The following BRCA1 variants were observed in gnomAD, a reference collection of about 807,000 sequenced individuals.
BRCA1 encodes the protein BRCA1 DNA repair associated, also known as breast cancer type 1 susceptibility protein.
A neutral mutation model predicts 173.7 loss-of-function variants in BRCA1; 140 were observed. The observed-to-expected ratio is 0.81, with a 90% CI of 0.70 to 0.93. The LOEUF (loss-of-function observed/expected upper bound fraction) is 0.93, where lower values mean the gene tolerates loss of function less well. Ranked by LOEUF, BRCA1 falls within the 40% of genes least tolerant of loss-of-function variation. The pLI, the probability that BRCA1 is intolerant of heterozygous loss-of-function variation, is 0.00. For synonymous variants in BRCA1, 662 were observed against 756.0 expected, an observed-to-expected ratio of 0.88 and a Z score of 2.04; for missense variants, 1,983 against 2,172.5, an observed-to-expected ratio of 0.91 and a Z score of 1.73.
upstream of BRCA1, among the ~76,000 whole-genome samples, chr17:43,126,564 C>T (rs1365852768): frequency 3.9e-5 from 6 of 152,176 alleles, no homozygotes; most frequent in East Asian, 3.9e-4. Context: ...TCCGTGTCTC[C>T]GGACAGCTAA....
intron 1 of BRCA1, chr17:43,124,974 G>C (rs932061137): frequency 2.8e-6 from 1 of 360,796 alleles, no homozygotes; most frequent in African/African-American, 2.1e-5. Flanking sequence ...TGGAACTCCT[G>C]ACCTCATGAC....
In BRCA1 at chr17:43,124,135, CATATAT is replaced by C; in HGVS notation, c.-19-26_-19-21del. ...AATGAACTTTAACACATTAGAAAAA[CATATAT>C]ATATATCTTTTTAAAAGGTTTATAA... On this transcript the variant is annotated intron_variant, in intron 1 of 22. Transcript: ENST00000357654. The C allele has an allele frequency of 7.7e-7, 1 of 1,291,254 alleles. No homozygotes were observed. Among genetic ancestry groups the C allele is most frequent in the Non-Finnish European group, 1.1e-6 (1 of 894,888 alleles). 80.0% of individuals were successfully genotyped at this position (1,291,254 alleles called of 1,614,324 possible).
intron 1 of BRCA1, among the ~76,000 whole-genome samples, chr17:43,141,066 C>T (rs1368264223): frequency 6.6e-6 from 1 of 152,194 alleles, no homozygotes; most frequent in Non-Finnish European, 1.5e-5. Flanking sequence ...GGTTTGCCGT[C>T]AGTGAGATGG....
At chr17:43,099,649 C>A in intron 7 of BRCA1, 126 bp downstream of exon 7, 2 of 747,588 alleles carry the variant, frequency 2.7e-6, no homozygotes, top group Non-Finnish European at 4.7e-6. Context: ...CACCATAGGG[C>A]TCATAAAATT....
chr17:43,046,501 G>A (rs983834266), intron 22 of BRCA1, among the ~76,000 whole-genome samples: 2 of 151,136 alleles, frequency 1.3e-5, no homozygotes, highest in African/African-American at 4.9e-5. Context: ...GGGTTCAAGC[G>A]ATTCTCCTGC....
intron 6 of BRCA1, among the ~76,000 whole-genome samples, chr17:43,100,544 A>ATGTG (rs66463208): frequency 2.1e-5 from 2 of 93,620 alleles, no homozygotes; most frequent in African/African-American, 8.8e-5. Context: ...ATACATATAT[A>ATGTG]TGTGTGTGTG....
intron 3 of BRCA1, 138 bp downstream of exon 3, chr17:43,115,584 TGAGA>T: frequency 2.5e-6 from 2 of 793,972 alleles, no homozygotes; most frequent in Non-Finnish European, 4.1e-6. Context: ...ATATACTCTC[TGAGA>T]AAGAATGAAA....
In BRCA1 at chr17:43,065,832, C is replaced by T. The variant is rs561414242; in HGVS notation, c.5074+1776G>A. Among the ~76,000 whole-genome samples the T allele has an allele frequency of 7.2e-5, 11 of 152,318 alleles. No homozygotes were observed. The South Asian group carries it at 2.1e-3, about 29-fold the overall frequency. ...TGGAGCCCCATGAGTGAGTCTTAAT[C>T]CTGTTCCAGATAACAGTTCTCTTCC... On this transcript the variant is annotated intron_variant, in intron 16 of 22. Transcript: ENST00000357654.
chr17:43,071,351 G>C (rs187218638), intron 14 of BRCA1, 113 bp from the exon 15 acceptor site: 245 of 1,192,112 alleles, frequency 2.1e-4, no homozygotes, highest in Admixed American at 8.3e-4. Context: ...AGAAAAATGG[G>C]TACATGAATA....
chr17:43,101,135 T>TC (rs1056543024), intron 6 of BRCA1, among the ~76,000 whole-genome samples: 1 of 151,998 alleles, frequency 6.6e-6, no homozygotes, highest in African/African-American at 2.4e-5. Context: ...ACTTTTTTTT[T>TC]CCTTCCTTTT....
In BRCA1 at chr17:43,092,551, A is replaced by G. The variant is rs144853230; in HGVS notation, c.2980T>C (p.Cys994Arg). Reference protein sequence around the residue: ...FPIKSFVKTKCKKNLLEENFE... With the variant: ...FPIKSFVKTKRKKNLLEENFE... Reference sequence around the variant, plus strand: ...TTTTCCTCTAGCAGATTTTTCTTACATTTAGTTTTAACAAATGACTTGATG... The same window carrying G: ...TTTTCCTCTAGCAGATTTTTCTTACGTTTAGTTTTAACAAATGACTTGATG... The change falls in exon 10 of 23, where the codon TGT becomes CGT. Residue 994 changes from cysteine to arginine, a missense_variant. Cys to Arg is a radical substitution (Grantham distance 180, BLOSUM62 -3). Transcript: ENST00000357654. 2 of 1,614,000 alleles carry G rather than the reference A, an allele frequency of 1.2e-6. No homozygotes were observed. Among genetic ancestry groups the G allele is most frequent in the African/African-American group, 1.3e-5 (1 of 75,012 alleles).
Position 43,132,562 on chromosome 17 carries a change from C to CT in BRCA1, c.-19-8448dup, listed in dbSNP as rs534880982. 758 of 143,414 alleles carry CT rather than the reference C, an allele frequency of 5.3e-3. 6 individuals are homozygous for CT. The highest frequency in any genetic ancestry group is 0.016 in the African/African-American group (614 of 39,368). 8.9% of individuals were successfully genotyped at this position (143,414 alleles called of 1,614,324 possible). ...CGCCCCCGCCCAAGTTACTTAACCT[C>CT]TTTTTTTTTTTTTCCTTTTTCTTTT... is the stretch of plus-strand genomic sequence containing the variant. On this transcript the variant is annotated intron_variant, in intron 1 of 7. Transcript: ENST00000634433.
intron 6 of BRCA1, among the ~76,000 whole-genome samples, chr17:43,102,829 A>C (rs1329892977): frequency 6.6e-6 from 1 of 152,078 alleles, no homozygotes; most frequent in Non-Finnish European, 1.5e-5. Flanking sequence ...ATTTAAAAAA[A>C]CTTTTAATAT....
intron 1 of BRCA1, chr17:43,166,203 C>T (rs2056267322): frequency 1.3e-5 from 2 of 150,010 alleles, no homozygotes; most frequent in Non-Finnish European, 3.0e-5. Flanking sequence ...TCTGTCTCTT[C>T]CTGTCTCTTC....
At chr17:43,142,399 T>C (rs950947889) in intron 1 of BRCA1, 3 of 152,336 alleles carry the variant, frequency 2.0e-5, no homozygotes, top group African/African-American at 7.2e-5. Flanking sequence ...ATGTTATTGT[T>C]ATTGACTCTT....
intron 21 of BRCA1, 89 bp downstream of exon 21, chr17:43,049,032 G>A (rs2152898737): frequency 3.2e-6 from 4 of 1,261,558 alleles, no homozygotes; most frequent in Non-Finnish European, 4.6e-6. Context: ...GGCTACAGTA[G>A]GGGCATCCAT....
Position 43,092,867 on chromosome 17 carries a change from G to A in BRCA1, c.2664C>T (p.His888=), listed in dbSNP as rs1597868491. ...AEEECATFSA[H]SGSLKKQSPK... ...GACTTTGTTTCTTTAAGGACCCAGA[G>A]TGGGCAGAGAATGTTGCACATTCCT... Residue 888 remains histidine, a synonymous_variant, in exon 10 of 23, where the codon CAC becomes CAT. Coordinates refer to ENST00000357654, the MANE Select transcript of BRCA1 (RefSeq NM_007294.4). The A allele has an allele frequency of 6.2e-7, 1 of 1,614,004 alleles. No homozygotes were observed. The highest frequency in any genetic ancestry group is 8.5e-7 in the Non-Finnish European group (1 of 1,180,012).
intron 14 of BRCA1, among the ~76,000 whole-genome samples, chr17:43,072,552 G>A (rs931694648): frequency 6.6e-6 from 1 of 151,232 alleles, no homozygotes; most frequent in Non-Finnish European, 1.5e-5. Flanking sequence ...ACAGGTGTTT[G>A]CCACCTTCCA....
chr17:43,086,105 T>TACATAC (rs1567785419), intron 11 of BRCA1, among the ~76,000 whole-genome samples: 1 of 94,110 alleles, frequency 1.1e-5, no homozygotes, highest in Non-Finnish European at 2.0e-5. Context: ...TTTTATCACA[T>TACATAC]ACATACACAC....
Sources: gnomAD v4.1 joint callset for allele counts (sites outside exome capture counted in the v4.1 genomes callset) on GRCh38, gnomAD v4.1.1 for gene constraint, MANE v1.5 for transcripts, NCBI Gene and HGNC (gene_info 2026-07-23, HGNC 2026-07-21) for gene names.